The following PTPRM variants were observed in gnomAD, a reference collection of about 807,000 sequenced individuals.
The protein encoded by PTPRM is protein tyrosine phosphatase receptor type M.
A neutral mutation model predicts 186.7 loss-of-function variants in PTPRM; 47 were observed. That is an observed-to-expected ratio of 0.25 (90% CI 0.20 to 0.32). The LOEUF (loss-of-function observed/expected upper bound fraction) is 0.32. Ranked by LOEUF, PTPRM falls within the 10% of genes least tolerant of loss-of-function variation. The pLI, the probability that PTPRM is intolerant of heterozygous loss-of-function variation, is 1.00. For synonymous variants in PTPRM, 668 were observed against 674.9 expected (o/e 0.99, Z 0.16); for missense variants, 1,494 against 1,865.0 (o/e 0.80, Z 3.66).
At chr18:8,360,803 CA>C in intron 23 of PTPRM, 1 of 152,334 alleles carries the variant, frequency 6.6e-6, no homozygotes, top group East Asian at 1.9e-4. Flanking sequence ...AAAATAGAAG[CA>C]GAACTCTTAT....
chr18:7,697,733 A>C (rs1329624635), intron 1 of PTPRM, among the ~76,000 whole-genome samples: 1 of 152,334 alleles, frequency 6.6e-6, no homozygotes, highest in African/African-American at 2.4e-5. Context: ...AGGCTACACC[A>C]ACCTGGCATG....
At chr18:7,604,221 T>A (rs2037475081) in intron 1 of PTPRM, among the ~76,000 whole-genome samples, 1 of 152,192 alleles carries the variant, frequency 6.6e-6, no homozygotes, top group Admixed American at 6.5e-5. Context: ...CGAGCAGGGC[T>A]TTACACTAAA....
chr18:7,686,721 T>G (rs2039610891), intron 1 of PTPRM, among the ~76,000 whole-genome samples: 1 of 152,176 alleles, frequency 6.6e-6, no homozygotes, highest in South Asian at 2.1e-4. Flanking sequence ...GCTTTTAAAA[T>G]GAACATTTGT....
chr18:7,955,448 T>C (rs773306978), intron 7 of PTPRM, 34 bp downstream of exon 7: 1 of 1,579,812 alleles, frequency 6.3e-7, no homozygotes, highest in South Asian at 1.2e-5. Context: ...TAATTGTCAT[T>C]GTCTTTCCTG....
At chr18:7,776,838 C>T (rs1003219687) in intron 2 of PTPRM, among the ~76,000 whole-genome samples, 1 of 152,198 alleles carries the variant, frequency 6.6e-6, no homozygotes, top group Non-Finnish European at 1.5e-5. Flanking sequence ...ATTCTCAAAG[C>T]ACCGTTGTTA....
chr18:8,129,005 C>A (rs375939096), intron 13 of PTPRM, among the ~76,000 whole-genome samples: 1 of 152,138 alleles, frequency 6.6e-6, no homozygotes, highest in African/African-American at 2.4e-5. Context: ...TTTTAGGAAA[C>A]CTAACTTTTA....
intron 1 of PTPRM, among the ~76,000 whole-genome samples, chr18:7,631,505 TGTGCTCTTGAGGATTAA>T (rs1307217589): frequency 3.3e-5 from 5 of 151,746 alleles, no homozygotes; most frequent in African/African-American, 7.3e-5. Flanking sequence ...TGGTGGGTGC[TGTGCTCTTGAGGATTAA>T]AGAGTCCAAT....
At chr18:8,262,606 T>A (rs2094645457) in intron 19 of PTPRM, among the ~76,000 whole-genome samples, 1 of 152,182 alleles carries the variant, frequency 6.6e-6, no homozygotes, top group African/African-American at 2.4e-5. Flanking sequence ...ACAGCTCAGA[T>A]GTGACTGCCC....
intron 1 of PTPRM, among the ~76,000 whole-genome samples, chr18:7,669,698 G>C (rs1440654172): frequency 6.6e-6 from 1 of 152,086 alleles, no homozygotes; most frequent in African/African-American, 2.4e-5. Flanking sequence ...TGGTGAGAGG[G>C]TTAGGGAGAG....
intron 1 of PTPRM, among the ~76,000 whole-genome samples, chr18:7,627,247 G>A (rs1371354396): frequency 6.6e-6 from 1 of 152,122 alleles, no homozygotes; most frequent in Non-Finnish European, 1.5e-5. Context: ...TCAATTTTTG[G>A]TTATCAGATG....
At chr18:7,581,720 A>G (rs974462086) in intron 1 of PTPRM, among the ~76,000 whole-genome samples, 16 of 148,364 alleles carry the variant, frequency 1.1e-4, no homozygotes, top group South Asian at 4.3e-4. Flanking sequence ...CAGTGGTACG[A>G]TTATAGTTCA....
intron 32 of PTPRM, chr18:8,402,728 T>G (rs967867007): frequency 6.6e-6 from 1 of 152,210 alleles, no homozygotes; most frequent in African/African-American, 2.4e-5. Flanking sequence ...AAATTCCAAT[T>G]ATCTCTTTTA....
At chr18:8,346,897 C>T (rs1453027068) in intron 23 of PTPRM, among the ~76,000 whole-genome samples, 1 of 152,062 alleles carries the variant, frequency 6.6e-6, no homozygotes, top group Non-Finnish European at 1.5e-5. Context: ...AGGCCCAGGG[C>T]CCTGAGCAAA....
intron 7 of PTPRM, among the ~76,000 whole-genome samples, chr18:8,008,051 T>G (rs961931236): frequency 1.3e-5 from 2 of 152,180 alleles, no homozygotes; most frequent in Non-Finnish European, 2.9e-5. Context: ...CTGGGAAATA[T>G]TTCTGTGGAA....
At chr18:8,175,177 T>C (rs2093462959) in intron 14 of PTPRM, among the ~76,000 whole-genome samples, 1 of 152,220 alleles carries the variant, frequency 6.6e-6, no homozygotes, top group Non-Finnish European at 1.5e-5. Flanking sequence ...TGCAGACTAA[T>C]TAAGGAAAAT....
At chr18:8,173,772 A>T (rs1360553961) in intron 14 of PTPRM, among the ~76,000 whole-genome samples, 1 of 152,174 alleles carries the variant, frequency 6.6e-6, no homozygotes, top group East Asian at 1.9e-4. Flanking sequence ...AAGACATCTC[A>T]AAAGGCCAAT....
intron 1 of PTPRM, among the ~76,000 whole-genome samples, chr18:7,586,224 G>A (rs2036975560): frequency 6.6e-6 from 1 of 152,080 alleles, no homozygotes; most frequent in South Asian, 2.1e-4. Flanking sequence ...TACATCGTGG[G>A]CTTAACCTGC....
At chr18:7,859,039 C>T (rs1426755332) in intron 2 of PTPRM, among the ~76,000 whole-genome samples, 1 of 152,132 alleles carries the variant, frequency 6.6e-6, no homozygotes, top group African/African-American at 2.4e-5. Flanking sequence ...CCCCAAAGTG[C>T]AGGAAATATG....
chr18:8,316,800 T>C (rs370790569), intron 21 of PTPRM, among the ~76,000 whole-genome samples: 1 of 152,146 alleles, frequency 6.6e-6, no homozygotes. Flanking sequence ...ATGGCAATTT[T>C]GAATCGAGTG....
Sources: allele counts gnomAD v4.1 joint callset (sites outside exome capture counted in the v4.1 genomes callset), GRCh38; gene constraint gnomAD v4.1.1; transcripts MANE v1.5; gene names NCBI Gene and HGNC (gene_info 2026-07-23, HGNC 2026-07-21).